Variants in SPG11 observed in about 807,000 individuals in gnomAD.
SPG11 encodes the protein SPG11 vesicle trafficking associated, spatacsin.
In SPG11, 222 loss-of-function variants were observed where a neutral mutation model predicts 274.0. The ratio of observed to expected loss-of-function variants is 0.81; its 90% confidence interval spans 0.73 to 0.91. The LOEUF (loss-of-function observed/expected upper bound fraction) is 0.91. SPG11 is among the 40% of genes least tolerant of loss of function. The pLI is 0.00. For missense variants in SPG11, 3,114 were observed against 2,872.7 expected (o/e 1.08, Z -1.92); for synonymous variants, 1,144 against 1,039.7 (o/e 1.10, Z -1.93).
At chr15:44,579,051 G>C (rs531432034) in intron 30 of SPG11, among the ~76,000 whole-genome samples, 1 of 151,986 alleles carries the variant, frequency 6.6e-6, no homozygotes, top group Non-Finnish European at 1.5e-5. Context: ...CCAGCTACTC[G>C]GGAGGCTGAG....
intron 39 of SPG11, 61 bp from the exon 40 acceptor site, chr15:44,563,362 ACAGT>A: frequency 6.7e-7 from 1 of 1,497,988 alleles, no homozygotes; most frequent in Non-Finnish European, 9.2e-7. Context: ...TTTGTTTGAG[ACAGT>A]CTTACTCTGT....
At chr15:44,575,318 A>G in intron 30 of SPG11, 1 of 406,138 alleles carries the variant, frequency 2.5e-6, no homozygotes, top group Non-Finnish European at 4.6e-6. Flanking sequence ...TGCTTGCCAG[A>G]GTCTTCTCTA....
At chr15:44,628,027 A>G (rs905001539) in intron 10 of SPG11, among the ~76,000 whole-genome samples, 1 of 152,156 alleles carries the variant, frequency 6.6e-6, no homozygotes, top group Non-Finnish European at 1.5e-5. Context: ...TTAATTCCCA[A>G]TTGATTATGA....
At position 44,596,365 on chromosome 15, in the gene SPG11, A is replaced by C. The variant is rs765557765; in HGVS notation, c.4162-10T>G. 1 of 1,613,946 alleles carries C rather than the reference A, an allele frequency of 6.2e-7. No individual in the cohort carries two copies. The highest frequency in any genetic ancestry group is 1.3e-5 in the African/African-American group (1 of 74,920). On this transcript the variant is annotated splice_polypyrimidine_tract_variant and intron_variant, in intron 24 of 39. Transcript: ENST00000261866. ...GGATAAGGGATTTCACCTAGAAGGC[A>C]TATCAGATGATTAAACAGAAACCCA...
intron 28 of SPG11, among the ~76,000 whole-genome samples, chr15:44,587,749 G>A (rs2082804833): frequency 7.4e-6 from 1 of 134,592 alleles, no homozygotes; most frequent in Non-Finnish European, 1.6e-5. Context: ...GCAAATAAAT[G>A]TTAAATACGC....
chr15:44,572,819 T>A lies in SPG11; in HGVS notation c.6207A>T (p.Gly2069=), dbSNP rs775742335. The change falls in exon 33 of 40, where the codon GGA becomes GGT. Residue 2069 remains glycine, a splice_region_variant and synonymous_variant. Transcript: ENST00000261866. ...CTGTTGGGTTGAACATCTGCTTATG[T>A]CCTGTACAGAGAGGTGTGAAGACAG... ...RELLTSSQGT[G]HKQMFNPTEE... 1 of 1,613,924 alleles carries A rather than the reference T, an allele frequency of 6.2e-7. No homozygotes were observed. Among genetic ancestry groups the A allele is most frequent in the South Asian group, 1.1e-5 (1 of 91,064 alleles).
intron 33 of SPG11, among the ~76,000 whole-genome samples, chr15:44,572,244 A>T (rs927500956): frequency 6.6e-6 from 1 of 152,228 alleles, no homozygotes; most frequent in African/African-American, 2.4e-5. Flanking sequence ...GTCATTTTTT[A>T]AAAAAGAGAA....
Position 44,605,480 on chromosome 15 carries a change from G to A in SPG11, c.3520+545C>T, listed in dbSNP as rs765342947. Among the ~76,000 whole-genome samples the A allele has an allele frequency of 2.6e-5, 4 of 152,070 alleles. No homozygotes were observed. The South Asian group carries it at 8.3e-4, about 32-fold the overall frequency. ...GCAACATGATATTAAAGATAAAAGA[G>A]AAATAGAAAAAACAGTTTAAGAACA... On this transcript the variant is annotated intron_variant, in intron 20 of 39. Coordinates refer to ENST00000261866, the MANE Select transcript of SPG11 (RefSeq NM_025137.4).
intron 14 of SPG11, 48 bp from the exon 15 acceptor site, chr15:44,620,451 G>C (rs1429610283): frequency 7.7e-7 from 1 of 1,299,684 alleles, no homozygotes; most frequent in Admixed American, 1.9e-5. Context: ...TATGTCTATT[G>C]ACATGTAACT....
rs1194478318 is a variant in SPG11 at position 44,596,823 on chromosome 15, G to C, written c.4122C>G (p.Phe1374Leu). The C allele has an allele frequency of 6.2e-7, 1 of 1,614,012 alleles. No homozygotes were observed. Among genetic ancestry groups the C allele is most frequent in the Admixed American group, 1.7e-5 (1 of 60,002 alleles). The change falls in exon 24 of 40, where the codon TTC (phenylalanine) becomes TTG (leucine). Residue 1374 changes from phenylalanine to leucine, a missense_variant. Transcript: ENST00000261866. ...ECAKANDWLQ[F>L]IIHSQLHNYH... ...AGTTGTGGAGTTGGCTGTGAATAAT[G>C]AACTGCAGCCAATCATTTGCTTTGG...
intron 33 of SPG11, among the ~76,000 whole-genome samples, chr15:44,571,587 T>G (rs2082427102): frequency 7.1e-6 from 1 of 141,662 alleles, no homozygotes; most frequent in Non-Finnish European, 1.5e-5. Context: ...GAGCTCCACC[T>G]CCCGGGTTCA....
At chr15:44,656,666 G>C (rs950272516) in intron 4 of SPG11, among the ~76,000 whole-genome samples, 1 of 152,112 alleles carries the variant, frequency 6.6e-6, no homozygotes, top group Non-Finnish European at 1.5e-5. Context: ...TGGCTGTGGA[G>C]GTGGAAAGCT....
chr15:44,607,587 C>A (rs1365601775), intron 19 of SPG11, among the ~76,000 whole-genome samples: 1 of 152,062 alleles, frequency 6.6e-6, no homozygotes, highest in Admixed American at 6.6e-5. Flanking sequence ...GAATTATAAA[C>A]CTTACGTTGA....
chr15:44,622,611 T>C, intron 12 of SPG11, 117 bp downstream of exon 12: 2 of 889,256 alleles, frequency 2.2e-6, no homozygotes, highest in Non-Finnish European at 3.7e-6. Context: ...CACTTTTACT[T>C]ATTAGATATT....
chr15:44,648,890 G>A lies in SPG11; in HGVS notation c.1578C>T (p.Cys526=). 6.2e-7 allele frequency: 1 copy of A among 1,614,078 alleles called. No individual in the cohort carries two copies. Among genetic ancestry groups the A allele is most frequent in the Non-Finnish European group, 8.5e-7 (1 of 1,179,976 alleles). ...CCTCTAGTGCATGTATGGGAATTGA[G>A]CACCTTCCCCAGCCATTGAGATGAC... ...TLCHLNGWGR[C]SIPIHALEAG... Residue 526 remains cysteine (C), a synonymous_variant, in exon 7 of 40, where the codon TGC becomes TGT. Transcript: ENST00000261866.
At chr15:44,564,239 C>T (rs371691722) in intron 39 of SPG11, among the ~76,000 whole-genome samples, 26 of 151,838 alleles carry the variant, frequency 1.7e-4, no homozygotes, top group East Asian at 1.2e-3. Context: ...GTGATCCTCC[C>T]GCCTCGGCCT....
At position 44,626,495 on chromosome 15, in the gene SPG11, T is replaced by G. The variant is rs988709071; in HGVS notation, c.2080A>C (p.Ser694Arg). Residue 694 changes from serine to arginine, a missense_variant, in exon 11 of 40, where the codon AGC (serine) becomes CGC (arginine). By Grantham distance (110) the Ser-to-Arg change is moderately radical. Transcript: ENST00000261866. ...KKLSFEEVIA[S>R]AILNNKIPEA... ...GGTATTTTGTTGTTTAAAATGGCGC[T>G]GGCAATAACTTCCTAGGAAAAGAAA... 6.2e-6 allele frequency: 10 copies of G among 1,613,714 alleles called. No individual in the cohort carries two copies. Among genetic ancestry groups the G allele is most frequent in the Non-Finnish European group, 8.5e-6 (10 of 1,179,920 alleles).
chr15:44,637,854 G>A (rs890617143), intron 7 of SPG11, among the ~76,000 whole-genome samples: 24 of 152,064 alleles, frequency 1.6e-4, no homozygotes, highest in Admixed American at 5.9e-4. Flanking sequence ...AGTCCTTCAC[G>A]GTATTCCAGA....
At chr15:44,631,565 A>T (rs1452443304) in intron 8 of SPG11, among the ~76,000 whole-genome samples, 10 of 152,170 alleles carry the variant, frequency 6.6e-5, no homozygotes, top group Admixed American at 3.9e-4. Flanking sequence ...AAGAAAAAAG[A>T]GCATATTAGT....
Sources: gnomAD v4.1 joint callset for allele counts (sites outside exome capture counted in the v4.1 genomes callset) on GRCh38, gnomAD v4.1.1 for gene constraint, MANE v1.5 for transcripts, NCBI Gene and HGNC (gene_info 2026-07-23, HGNC 2026-07-21) for gene names.